Variants in USP24 observed in about 807,000 individuals in gnomAD.
The protein encoded by USP24 is ubiquitin specific peptidase 24.
A neutral mutation model predicts 361.6 loss-of-function variants in USP24; 97 were observed. That is an observed-to-expected ratio of 0.27 (90% CI 0.23 to 0.32). USP24 has a LOEUF of 0.32. USP24 is among the 10% of genes least tolerant of loss of function. The pLI is 1.00. For synonymous variants in USP24, 1,098 were observed against 1,124.6 expected (o/e 0.98, Z 0.47); for missense variants, 2,353 against 3,165.6 (o/e 0.74, Z 6.16).
At chr1:55,095,513 A>G in intron 50 of USP24, 117 bp from the exon 51 acceptor site, 1 of 1,135,850 alleles carries the variant, frequency 8.8e-7, no homozygotes, top group Non-Finnish European at 1.2e-6. Flanking sequence ...AAGTTTGTAA[A>G]ATGCAAAGTA....
In USP24 at chr1:55,123,435, C is replaced by A; in HGVS notation, c.4276+12G>T. The A allele has an allele frequency of 6.4e-7, 1 of 1,565,920 alleles. No individual in the cohort carries two copies. The highest frequency in any genetic ancestry group is 8.7e-7 in the Non-Finnish European group (1 of 1,155,480). On this transcript the variant is annotated intron_variant, in intron 36 of 67. Transcript: ENST00000294383. ...CTGAAAGAGATTAATCACAAACAAG[C>A]CTCCAGCATACCCAGTTGCTGGCTC...
intron 38 of USP24, among the ~76,000 whole-genome samples, chr1:55,117,742 C>CAAAAAAAAAA (rs58149121): frequency 1.5e-5 from 1 of 66,846 alleles, no homozygotes; most frequent in Non-Finnish European, 2.4e-5. Context: ...GACTCCGTCT[C>CAAAAAAAAAA]AAAAAAAAAA....
chr1:55,178,529 TGTA>T (rs1010632811), intron 1 of USP24, among the ~76,000 whole-genome samples: 3 of 151,434 alleles, frequency 2.0e-5, no homozygotes, highest in African/African-American at 7.3e-5. Flanking sequence ...ATTAGCCAGG[TGTA>T]GTGGCGGGCG....
intron 36 of USP24, among the ~76,000 whole-genome samples, chr1:55,122,852 T>C (rs779879830): frequency 3.3e-5 from 5 of 152,174 alleles, no homozygotes; most frequent in South Asian, 2.1e-4. Flanking sequence ...GGATGTCTAT[T>C]TGATATCCAA....
At chr1:55,074,494 G>A (rs1644984060) in intron 63 of USP24, among the ~76,000 whole-genome samples, 1 of 151,982 alleles carries the variant, frequency 6.6e-6, no homozygotes, top group Non-Finnish European at 1.5e-5. Context: ...AATTAGCTGG[G>A]CTAATGGCAT....
intron 1 of USP24, among the ~76,000 whole-genome samples, chr1:55,205,955 T>C (rs1644692377): frequency 6.6e-6 from 1 of 152,204 alleles, no homozygotes; most frequent in Non-Finnish European, 1.5e-5. Flanking sequence ...TTAAGCATTT[T>C]AGATCTAGTC....
intron 1 of USP24, among the ~76,000 whole-genome samples, chr1:55,204,254 T>C (rs1455249852): frequency 4.6e-5 from 7 of 152,180 alleles, no homozygotes; most frequent in Admixed American, 4.6e-4. Flanking sequence ...ATTAAGAGAT[T>C]TTTAGCCTAA....
intron 10 of USP24, 72 bp from the exon 11 acceptor site, chr1:55,157,442 T>C: frequency 2.3e-6 from 2 of 877,576 alleles, no homozygotes; most frequent in South Asian, 4.2e-5. Flanking sequence ...GATAGATAAT[T>C]TTTACAATGT....
intron 37 of USP24, among the ~76,000 whole-genome samples, 167 bp from the exon 38 acceptor site, chr1:55,120,923 ATTAAAACCCAC>A (rs1270462622): frequency 6.6e-6 from 1 of 152,236 alleles, no homozygotes; most frequent in Non-Finnish European, 1.5e-5. Flanking sequence ...TTAATGGCTA[ATTAAAACCCAC>A]TGCGGTTTGG....
intron 1 of USP24, among the ~76,000 whole-genome samples, chr1:55,187,453 G>C (rs535366763): frequency 2.2e-4 from 34 of 152,092 alleles, no homozygotes; most frequent in African/African-American, 8.2e-4. Context: ...AAGGCAATTA[G>C]GCAAAGAAAA....
In USP24 at chr1:55,127,530, G is replaced by A. The variant is rs1417734113; in HGVS notation, c.3636-1772C>T. On this transcript the variant is annotated intron_variant, in intron 32 of 67. Coordinates refer to ENST00000294383, the MANE Select transcript of USP24 (RefSeq NM_015306.3). Reference sequence around the variant, plus strand: ...GTGAATAGTGCCGCAATAAACATACGTGTGCATGTGTCTTTATAGCAGCAT... The same window carrying A: ...GTGAATAGTGCCGCAATAAACATACATGTGCATGTGTCTTTATAGCAGCAT... 2.6e-5 allele frequency among the ~76,000 whole-genome samples: 4 copies of A among 152,100 alleles called. 1 individual carries two copies. Among genetic ancestry groups the A allele is most frequent in the Admixed American group, 6.6e-5 (1 of 15,266 alleles).
intron 28 of USP24, among the ~76,000 whole-genome samples, 191 bp from the exon 29 acceptor site, chr1:55,134,604 C>T (rs1646682738): frequency 6.6e-6 from 1 of 152,150 alleles, no homozygotes; most frequent in Non-Finnish European, 1.5e-5. Flanking sequence ...ATCACTACCT[C>T]CTAGCGTGTA....
In USP24 at chr1:55,214,805, C is replaced by A; in HGVS notation, c.309G>T (p.Glu103Asp). The A allele has an allele frequency of 8.2e-7, 1 of 1,224,436 alleles. No individual in the cohort carries two copies. Among genetic ancestry groups the A allele is most frequent in the Non-Finnish European group, 1.0e-6 (1 of 973,560 alleles). 75.8% of individuals were successfully genotyped at this position (1,224,436 alleles called of 1,614,324 possible). A position where few individuals can be genotyped will look rare whatever the true frequency, so the allele number is the denominator to read the frequency against. The change falls in exon 1 of 68, where the codon GAG becomes GAT. Residue 103 changes from glutamate (E) to aspartate (D), a missense_variant. Physicochemically the swap from Glu to Asp is conservative, Grantham distance 45 (BLOSUM62 2). Coordinates refer to ENST00000294383, the MANE Select transcript of USP24 (RefSeq NM_015306.3). Reference protein sequence around the residue: ...GGFDPPPAYHEVVDAEKNDEN... With the variant: ...GGFDPPPAYHDVVDAEKNDEN... ...CCCTCCTCACCTCCGCGTCCACCAC[C>A]TCGTGGTAGGCGGGCGGGGGGTCGA... is the stretch of plus-strand genomic sequence containing the variant.
At chr1:55,176,326 T>A in intron 3 of USP24, 50 bp downstream of exon 3, 2 of 1,474,496 alleles carry the variant, frequency 1.4e-6, no homozygotes, top group Non-Finnish European at 1.8e-6. Context: ...TCCTTCACCC[T>A]GCCCCCACCC....
rs778670072 is a variant in USP24 at position 55,103,950 on chromosome 1, T to C, written c.4951A>G (p.Asn1651Asp). ...LVMLADSSPS[N>D]LQIIIKELLS... ...AGTTCTTTTATAATAATTTGAAGATTTGAAGGTGAACTATCAGCCAACATC... is the reference window on the plus strand; with the variant it reads ...AGTTCTTTTATAATAATTTGAAGATCTGAAGGTGAACTATCAGCCAACATC... Residue 1651 changes from asparagine to aspartate, a missense_variant, in exon 42 of 68, where the codon AAT becomes GAT. Physicochemically the swap from Asn to Asp is conservative, Grantham distance 23. Transcript: ENST00000294383. 3.1e-6 allele frequency: 5 copies of C among 1,611,992 alleles called. No homozygotes were observed. The highest frequency in any genetic ancestry group is 1.1e-5 in the South Asian group (1 of 90,516).
At chr1:55,070,318 G>A (rs1004555564) in intron 67 of USP24, among the ~76,000 whole-genome samples, 2 of 152,194 alleles carry the variant, frequency 1.3e-5, no homozygotes, top group African/African-American at 4.8e-5. Flanking sequence ...GTGAGGGCAG[G>A]AGGATACAGG....
At chr1:55,082,025 A>G (rs1467443768) in intron 58 of USP24, among the ~76,000 whole-genome samples, 6 of 152,266 alleles carry the variant, frequency 3.9e-5, no homozygotes, top group African/African-American at 1.4e-4. Flanking sequence ...GTAAATTTCA[A>G]CATAGTATCC....
At position 55,078,656 on chromosome 1, in the gene USP24, T is replaced by C. The variant is rs1238161156; in HGVS notation, c.7201-5A>G. ...CTCCCGCAAAGCAAACATTACCTGG[T>C]GGGAAGACATAACACAGTCAGCTAT... On this transcript the variant is annotated splice_polypyrimidine_tract_variant and splice_region_variant and intron_variant, in intron 60 of 67. Transcript: ENST00000294383. 6.3e-7 allele frequency: 1 copy of C among 1,599,228 alleles called. No individual in the cohort carries two copies. Among genetic ancestry groups the C allele is most frequent in the Admixed American group, 1.7e-5 (1 of 58,326 alleles).
intron 5 of USP24, among the ~76,000 whole-genome samples, chr1:55,168,500 C>T (rs1182925479): frequency 5.3e-5 from 8 of 152,016 alleles, no homozygotes; most frequent in African/African-American, 1.7e-4. Flanking sequence ...GGCTCTGAAG[C>T]CAGATTCACC....
Sources: gnomAD v4.1 joint callset for allele counts (sites outside exome capture counted in the v4.1 genomes callset) on GRCh38, gnomAD v4.1.1 for gene constraint, MANE v1.5 for transcripts, NCBI Gene and HGNC (gene_info 2026-07-23, HGNC 2026-07-21) for gene names.